CUX1: variants seen among roughly 807,000 people sequenced by gnomAD.
CUX1 encodes the protein cut like homeobox 1, also known as protein CASP.
Under a neutral mutation model 158.8 loss-of-function variants are expected in CUX1, and 31 were observed. The observed-to-expected ratio is 0.20, with a 90% CI of 0.15 to 0.26. The LOEUF (loss-of-function observed/expected upper bound fraction) is 0.26, where lower values mean the gene tolerates loss of function less well. Among genes scored for constraint, CUX1 ranks in the 10% least tolerant of loss-of-function variants. The pLI, the probability that CUX1 is intolerant of heterozygous loss-of-function variation, is 1.00. For synonymous variants in CUX1, 879 were observed against 862.1 expected (o/e 1.02, Z -0.34); for missense variants, 1,589 against 2,014.6 (o/e 0.79, Z 4.04).
rs147645905 is a variant in CUX1 at position 101,855,694 on chromosome 7, A to G, written c.30+38025A>G. ...GGAATTCCAGACCAGCCTGGCCAAC[A>G]TGGTGAAACCCCGTCTCTACTAAAA... On this transcript the variant is annotated intron_variant, in intron 1 of 23. Transcript: ENST00000292535. 8.6e-3 allele frequency among the ~76,000 whole-genome samples: 1,307 copies of G among 152,022 alleles called. 20 individuals carry two copies. Among genetic ancestry groups the G allele is most frequent in the African/African-American group, 0.03 (1,245 of 41,462 alleles).
At chr7:102,127,429 T>C (rs1832757164) in intron 8 of CUX1, among the ~76,000 whole-genome samples, 1 of 152,108 alleles carries the variant, frequency 6.6e-6, no homozygotes, top group Non-Finnish European at 1.5e-5. Context: ...GGTTTTGAAC[T>C]CCTGGGCTCA....
At chr7:102,214,089 G>A (rs919194093) in intron 20 of CUX1, among the ~76,000 whole-genome samples, 1 of 151,728 alleles carries the variant, frequency 6.6e-6, no homozygotes, top group South Asian at 2.1e-4. Flanking sequence ...GCGAGATCAC[G>A]CCACTGCACT....
chr7:102,212,489 T>C (rs782609807), intron 20 of CUX1, among the ~76,000 whole-genome samples: 1 of 152,326 alleles, frequency 6.6e-6, no homozygotes, highest in Middle Eastern at 3.4e-3. Flanking sequence ...AGGGAAGTCA[T>C]AGCCCAGAGT....
chr7:102,199,660 C>T (rs188536554), intron 16 of CUX1, among the ~76,000 whole-genome samples: 1 of 152,368 alleles, frequency 6.6e-6, no homozygotes, highest in East Asian at 1.9e-4. Context: ...CCTCCTTTTC[C>T]GTTTATCCTG....
At chr7:102,055,088 C>A (rs1422111646) in intron 3 of CUX1, among the ~76,000 whole-genome samples, 2 of 152,118 alleles carry the variant, frequency 1.3e-5, no homozygotes, top group Admixed American at 6.5e-5. Flanking sequence ...CATTGGCCAT[C>A]TTTCCATTTA....
intron 2 of CUX1, among the ~76,000 whole-genome samples, chr7:101,985,756 C>T (rs979131859): frequency 6.6e-5 from 10 of 152,250 alleles, no homozygotes; most frequent in Non-Finnish European, 1.0e-4. Flanking sequence ...AGCCCAGTGC[C>T]GGGTATGGTG....
chr7:102,195,690 G>C, intron 14 of CUX1, 87 bp downstream of exon 14: 1 of 1,233,402 alleles, frequency 8.1e-7, no homozygotes, highest in Non-Finnish European at 1.1e-6. Context: ...CGTGAGTCTG[G>C]ACAGATGCAT....
At position 102,239,310 on chromosome 7, in the gene CUX1, TC is replaced by T; in HGVS notation, c.3623-8del. On this transcript the variant is annotated splice_polypyrimidine_tract_variant and intron_variant, in intron 22 of 23. Transcript: ENST00000292535. ...GGCCTGACCTTAGTCTGCCATCTCT[TC>T]CTCCGCAGCCTACATGAAGCGGCGG... is the stretch of plus-strand genomic sequence containing the variant. 6.3e-7 allele frequency: 1 copy of T among 1,593,868 alleles called. No homozygotes were observed. Among genetic ancestry groups the T allele is most frequent in the Non-Finnish European group, 8.6e-7 (1 of 1,166,004 alleles).
intron 1 of CUX1, among the ~76,000 whole-genome samples, chr7:101,904,536 A>G (rs1041006569): frequency 1.3e-5 from 2 of 151,464 alleles, no homozygotes; most frequent in South Asian, 2.1e-4. Context: ...AGAAATACTG[A>G]TACATATCAA....
rs368368309 is a variant in CUX1 at position 102,158,547 on chromosome 7, C to G, written c.675-13C>G. 1.9e-6 allele frequency: 3 copies of G among 1,613,846 alleles called. No individual in the cohort carries two copies. The highest frequency in any genetic ancestry group is 2.7e-5 in the African/African-American group (2 of 74,898). ...CTTGTGACTAACCTGCTCTCTCCCT[C>G]TCACCCTCCTAGGGCCGACGAGATT... On this transcript the variant is annotated splice_polypyrimidine_tract_variant and intron_variant, in intron 8 of 23. Transcript: ENST00000292535.
chr7:102,161,626 T>C (rs1437379373), intron 9 of CUX1, among the ~76,000 whole-genome samples: 5 of 152,220 alleles, frequency 3.3e-5, no homozygotes, highest in Non-Finnish European at 7.3e-5. Context: ...TTTTTCTTCT[T>C]TGAAATGGAA....
chr7:102,087,575 C>T (rs1828076052), intron 4 of CUX1, among the ~76,000 whole-genome samples: 1 of 151,770 alleles, frequency 6.6e-6, no homozygotes, highest in African/African-American at 2.4e-5. Flanking sequence ...AGCAAAACTC[C>T]ATCTCAAAAA....
intron 2 of CUX1, among the ~76,000 whole-genome samples, chr7:102,025,956 C>T (rs12669667): frequency 0.43 from 66,008 of 151,950 alleles, 15,932 homozygotes; most frequent in East Asian, 0.96. Flanking sequence ...ACAGGCAGAT[C>T]GCTTGAGTCC....
chr7:102,052,925 G>A lies in CUX1; in HGVS notation c.190-17414G>A, dbSNP rs529455841. ...CAGGTTCAAGCGATTCTCCTGCCTC[G>A]GCCTCCTGAGTAGCTGGGATTACAG... On this transcript the variant is annotated intron_variant, in intron 3 of 23. Transcript: ENST00000292535. 4.7e-3 allele frequency among the ~76,000 whole-genome samples: 708 copies of A among 151,742 alleles called. 4 individuals carry two copies. The highest frequency in any genetic ancestry group is 0.011 in the African/African-American group (448 of 41,336).
intron 3 of CUX1, among the ~76,000 whole-genome samples, chr7:102,051,032 TCC>T (rs34813036): frequency 6.6e-6 from 1 of 152,084 alleles, no homozygotes; most frequent in Non-Finnish European, 1.5e-5. Context: ...CCTCAGGGAT[TCC>T]CCTTCAGCAT....
intron 7 of CUX1, chr7:102,112,005 C>A: frequency 2.1e-6 from 1 of 471,420 alleles, no homozygotes; most frequent in South Asian, 2.9e-5. Flanking sequence ...ATTCCATTTT[C>A]ATCCCTTCCA....
At chr7:102,106,072 C>CTTTTTT (rs1370572773) in intron 6 of CUX1, among the ~76,000 whole-genome samples, 1 of 105,958 alleles carries the variant, frequency 9.4e-6, no homozygotes, top group African/African-American at 3.5e-5. Flanking sequence ...GTGAACTTTT[C>CTTTTTT]TTTTTTCTTT....
intron 8 of CUX1, among the ~76,000 whole-genome samples, chr7:102,131,492 TAA>T (rs782286192): frequency 2.6e-4 from 34 of 132,970 alleles, no homozygotes; most frequent in Admixed American, 3.1e-4. Context: ...AATTTCTGTT[TAA>T]AAAAAAAAAA....
Position 102,249,330 on chromosome 7 carries a change from C to T in CUX1, c.*288C>T, listed in dbSNP as rs1363570019. On this transcript the variant is annotated 3_prime_UTR_variant, in exon 24 of 24. Transcript: ENST00000292535. Reference sequence around the variant, plus strand: ...CAGCCCGCGGCCTGGACCCCTGGACCGCTTTGCGCACTTACCGCCCTGCGG... The same window carrying T: ...CAGCCCGCGGCCTGGACCCCTGGACTGCTTTGCGCACTTACCGCCCTGCGG... 12 of 1,019,052 alleles carry T rather than the reference C, an allele frequency of 1.2e-5. No homozygotes were observed. The highest frequency in any genetic ancestry group is 7.0e-6 in the Non-Finnish European group (6 of 851,350). The allele number at this position is 1,019,052 out of a possible 1,614,324, so 63.1% of individuals were successfully genotyped here. A position where few individuals can be genotyped will look rare whatever the true frequency, so the allele number is the denominator to read the frequency against.
Sources: allele counts gnomAD v4.1 joint callset (sites outside exome capture counted in the v4.1 genomes callset), GRCh38; gene constraint gnomAD v4.1.1; transcripts MANE v1.5; gene names NCBI Gene and HGNC (gene_info 2026-07-23, HGNC 2026-07-21).